Variants in GRM8 observed in about 807,000 individuals in gnomAD.
GRM8 encodes the protein metabotropic glutamate receptor 8.
In GRM8, 47 loss-of-function variants were observed where a neutral mutation model predicts 87.2. That is an observed-to-expected ratio of 0.54 (90% CI 0.43 to 0.69). The LOEUF is 0.69. Ranked by LOEUF, GRM8 falls within the 30% of genes least tolerant of loss-of-function variation. The pLI, the probability that GRM8 is intolerant of heterozygous loss-of-function variation, is 0.00. For synonymous variants in GRM8, 396 were observed against 404.5 expected, an observed-to-expected ratio of 0.98 and a Z score of 0.25; for missense variants, 1,019 against 1,139.2, an observed-to-expected ratio of 0.89 and a Z score of 1.52.
At chr7:126,656,620 A>T (rs1332978113) in intron 7 of GRM8, among the ~76,000 whole-genome samples, 1 of 152,140 alleles carries the variant, frequency 6.6e-6, no homozygotes, top group African/African-American at 2.4e-5. Flanking sequence ...GTGAGCCGAG[A>T]TTGTGCCACT....
chr7:126,939,955 C>A (rs1374669393), intron 3 of GRM8, among the ~76,000 whole-genome samples: 1 of 152,172 alleles, frequency 6.6e-6, no homozygotes, highest in East Asian at 1.9e-4. Context: ...ATTTTACAAA[C>A]TAAAAGTATA....
At chr7:126,723,996 TAAC>T (rs200519756) in intron 7 of GRM8, among the ~76,000 whole-genome samples, 1,546 of 152,230 alleles carry the variant, frequency 0.01, 29 homozygotes, top group African/African-American at 0.035. Context: ...CTTCAAAACC[TAAC>T]AACATTTACA....
chr7:126,940,717 A>C (rs928192020), intron 3 of GRM8, among the ~76,000 whole-genome samples: 1 of 152,178 alleles, frequency 6.6e-6, no homozygotes, highest in Non-Finnish European at 1.5e-5. Context: ...TTATGCTATA[A>C]TATCCCTTGC....
chr7:126,486,004 T>A (rs1807312652), intron 9 of GRM8, among the ~76,000 whole-genome samples: 1 of 151,878 alleles, frequency 6.6e-6, no homozygotes, highest in Non-Finnish European at 1.5e-5. Flanking sequence ...AAGAATAAAC[T>A]CTATTATAAC....
intron 2 of GRM8, among the ~76,000 whole-genome samples, chr7:127,144,459 C>G (rs954653489): frequency 3.3e-5 from 5 of 152,038 alleles, no homozygotes; most frequent in African/African-American, 9.7e-5. Flanking sequence ...TTATACTGAT[C>G]TATGAGATAT....
chr7:126,873,615 T>C (rs183292231), intron 6 of GRM8, among the ~76,000 whole-genome samples: 11 of 152,026 alleles, frequency 7.2e-5, no homozygotes, highest in Middle Eastern at 3.2e-3. Flanking sequence ...TGAGCACATG[T>C]AGAGGAGAAT....
intron 6 of GRM8, among the ~76,000 whole-genome samples, chr7:126,843,962 G>T (rs978772547): frequency 1.3e-5 from 2 of 152,164 alleles, no homozygotes; most frequent in African/African-American, 4.8e-5. Flanking sequence ...ATTGCACAGG[G>T]ATGTTATTAC....
chr7:126,699,613 A>T (rs929227389), intron 7 of GRM8, among the ~76,000 whole-genome samples: 2 of 151,938 alleles, frequency 1.3e-5, no homozygotes, highest in African/African-American at 4.8e-5. Flanking sequence ...TTTGATTTTG[A>T]CTTTTATGTT....
intron 2 of GRM8, among the ~76,000 whole-genome samples, 191 bp downstream of exon 2, chr7:127,242,504 A>ATT (rs1798364076): frequency 6.6e-6 from 1 of 152,176 alleles, no homozygotes; most frequent in African/African-American, 2.4e-5. Flanking sequence ...AATCCAGTTA[A>ATT]TTGTAAGTAA....
intron 3 of GRM8, among the ~76,000 whole-genome samples, chr7:127,103,256 C>A (rs565643236): frequency 6.6e-6 from 1 of 152,286 alleles, no homozygotes; most frequent in Non-Finnish European, 1.5e-5. Flanking sequence ...GGATATTTAT[C>A]CCCACCCAAA....
At chr7:127,213,844 A>C (rs1162968291) in intron 2 of GRM8, among the ~76,000 whole-genome samples, 2 of 152,248 alleles carry the variant, frequency 1.3e-5, no homozygotes, top group East Asian at 1.9e-4. Flanking sequence ...GGAAACCATT[A>C]GGCAATTTCT....
Position 126,596,568 on chromosome 7 carries a change from T to C in GRM8, c.1494+12794A>G, listed in dbSNP as rs933427365. 6.6e-5 allele frequency among the ~76,000 whole-genome samples: 10 copies of C among 152,152 alleles called. No individual in the cohort carries two copies. In the East Asian group the frequency reaches 1.9e-3, roughly 29 times the overall value. On this transcript the variant is annotated intron_variant, in intron 8 of 10. Coordinates refer to ENST00000339582, the MANE Select transcript of GRM8 (RefSeq NM_000845.3). ...GAACACATTAGTGGTTGTCAGGCAT[T>C]GGGGAGTGAGGCATATGGGAGAGAA...
At chr7:127,081,741 AGAC>A (rs1208272639) in intron 3 of GRM8, among the ~76,000 whole-genome samples, 2 of 152,344 alleles carry the variant, frequency 1.3e-5, no homozygotes, top group African/African-American at 4.8e-5. Context: ...ATCAGCATAG[AGAC>A]GACAATTGAA....
At chr7:126,853,873 C>A (rs1316789631) in intron 6 of GRM8, among the ~76,000 whole-genome samples, 2 of 152,190 alleles carry the variant, frequency 1.3e-5, no homozygotes, top group Non-Finnish European at 2.9e-5. Context: ...ATAAAATCTG[C>A]TTTTCACTAT....
At chr7:126,735,075 A>T (rs1814046257) in intron 7 of GRM8, among the ~76,000 whole-genome samples, 1 of 152,114 alleles carries the variant, frequency 6.6e-6, no homozygotes, top group African/African-American at 2.4e-5. Flanking sequence ...TAGGCATAAC[A>T]TGACAGAAAG....
rs557463198 is a variant in GRM8, at chr7:126,797,052, TC to T, written c.1157-26988del. ...CTAATTGGACATTTTACAATTATAA[TC>T]CATTTACTGAAAATAAAAATAAAAG... On this transcript the variant is annotated intron_variant, in intron 6 of 10. Transcript: ENST00000339582. 7.9e-3 allele frequency among the ~76,000 whole-genome samples: 1,200 copies of T among 152,230 alleles called. 6 individuals are homozygous for T. The highest frequency in any genetic ancestry group is 0.027 in the African/African-American group (1,113 of 41,536).
chr7:126,887,670 G>T (rs1002844454), intron 6 of GRM8, among the ~76,000 whole-genome samples: 1 of 152,034 alleles, frequency 6.6e-6, no homozygotes, highest in African/African-American at 2.4e-5. Flanking sequence ...ATTAAGAATT[G>T]AAAGAACAAA....
intron 7 of GRM8, among the ~76,000 whole-genome samples, chr7:126,645,342 T>C (rs1437406563): frequency 1.3e-5 from 2 of 152,206 alleles, no homozygotes; most frequent in Non-Finnish European, 2.9e-5. Flanking sequence ...CTTTTTCAGA[T>C]GAATCCCACC....
chr7:126,556,706 G>C (rs1340494508), intron 8 of GRM8, among the ~76,000 whole-genome samples: 4 of 152,070 alleles, frequency 2.6e-5, no homozygotes, highest in African/African-American at 9.7e-5. Flanking sequence ...TTTTTCACGA[G>C]AGAACCTCCA....
Sources: gnomAD v4.1 joint callset for allele counts (sites outside exome capture counted in the v4.1 genomes callset) on GRCh38, gnomAD v4.1.1 for gene constraint, MANE v1.5 for transcripts, NCBI Gene and HGNC (gene_info 2026-07-23, HGNC 2026-07-21) for gene names.